Variants in PTPRG observed in about 807,000 individuals in gnomAD.
The protein encoded by PTPRG is protein tyrosine phosphatase receptor type G.
Under a neutral mutation model 165.3 loss-of-function variants are expected in PTPRG, and 102 were observed. That is an observed-to-expected ratio of 0.62 (90% CI 0.53 to 0.73). PTPRG has a LOEUF of 0.73. Ranked by LOEUF, PTPRG falls within the 30% of genes least tolerant of loss-of-function variation. PTPRG has a pLI of 0.00. For missense variants in PTPRG, 1,866 were observed against 1,861.4 expected (o/e 1.00, Z -0.05); for synonymous variants, 675 against 669.5 (o/e 1.01, Z -0.13).
intron 1 of PTPRG, among the ~76,000 whole-genome samples, chr3:61,715,003 T>G (rs939096): frequency 0.96 from 145,548 of 152,168 alleles, 69,708 homozygotes; most frequent in African/African-American, 0.99. Flanking sequence ...GTTTTGGAAG[T>G]TTACAGAAGC....
At chr3:61,844,717 G>C (rs928085859) in intron 2 of PTPRG, among the ~76,000 whole-genome samples, 1 of 151,474 alleles carries the variant, frequency 6.6e-6, no homozygotes, top group South Asian at 2.1e-4. Context: ...TGAACAGGGT[G>C]GTCTCGAACT....
At chr3:61,868,957 C>A (rs1444674637) in intron 2 of PTPRG, among the ~76,000 whole-genome samples, 1 of 150,970 alleles carries the variant, frequency 6.6e-6, no homozygotes, top group Admixed American at 6.6e-5. Flanking sequence ...GGTCTTTGGA[C>A]TAGTCACTTC....
chr3:61,589,573 T>G (rs914858687), intron 1 of PTPRG, among the ~76,000 whole-genome samples: 1 of 152,116 alleles, frequency 6.6e-6, no homozygotes, highest in Non-Finnish European at 1.5e-5. Context: ...CCATTTTGGT[T>G]GTTGGTGACT....
chr3:61,630,235 T>C (rs1701731367), intron 1 of PTPRG, among the ~76,000 whole-genome samples: 1 of 152,244 alleles, frequency 6.6e-6, no homozygotes, highest in South Asian at 2.1e-4. Flanking sequence ...GAGTTGTAGA[T>C]AGAGCAGATT....
intron 4 of PTPRG, among the ~76,000 whole-genome samples, chr3:62,036,083 A>T (rs1699928228): frequency 6.6e-6 from 1 of 151,796 alleles, no homozygotes; most frequent in Non-Finnish European, 1.5e-5. Context: ...TGGAGCTTCT[A>T]TTCTAGCAAG....
intron 2 of PTPRG, among the ~76,000 whole-genome samples, chr3:61,782,738 A>C (rs996799761): frequency 3.3e-5 from 5 of 152,166 alleles, no homozygotes; most frequent in African/African-American, 1.2e-4. Flanking sequence ...GAAGGTTATG[A>C]TATGCTCTTT....
At chr3:61,666,569 G>A (rs1313462300) in intron 1 of PTPRG, among the ~76,000 whole-genome samples, 3 of 152,194 alleles carry the variant, frequency 2.0e-5, no homozygotes, top group Admixed American at 6.5e-5. Flanking sequence ...TGATGAAAGT[G>A]AAATGAGATG....
At chr3:62,033,543 C>A (rs1038021103) in intron 4 of PTPRG, among the ~76,000 whole-genome samples, 13 of 148,776 alleles carry the variant, frequency 8.7e-5, no homozygotes, top group African/African-American at 3.2e-4. Context: ...CCCCCCCACC[C>A]CCCACCAGAG....
At chr3:62,277,444 T>C in intron 25 of PTPRG, 107 bp from the exon 26 acceptor site, 1 of 1,252,500 alleles carries the variant, frequency 8.0e-7, no homozygotes, top group South Asian at 1.4e-5. Flanking sequence ...TCAATTATTT[T>C]AGTGTAGTCA....
Position 62,277,637 on chromosome 3 carries a change from T to G in PTPRG, c.3723T>G (p.His1241Gln), listed in dbSNP as rs777338296. Residue 1241 changes from histidine (H) to glutamine (Q), a missense_variant, in exon 26 of 30, where the codon CAT becomes CAG. Around this residue, in one of 3 missense-constraint regions of PTPRG, gnomAD observed 1,452 missense variants for 1,463.0 expected, o/e 0.99. Transcript: ENST00000474889. ...ATTTCTGGCGAATGATTTGGGATCA[T>G]AACGCACAGATCATTGTCATGCTGC... The part of the protein sequence containing the change: ...TKDFWRMIWD[H>Q]NAQIIVMLPD... 1.2e-6 allele frequency: 2 copies of G among 1,612,796 alleles called. No homozygotes were observed.
chr3:61,732,487 G>T (rs537197740), intron 1 of PTPRG, among the ~76,000 whole-genome samples: 3 of 151,694 alleles, frequency 2.0e-5, no homozygotes, highest in African/African-American at 7.3e-5. Flanking sequence ...TGAGGCAGGG[G>T]AATGGCATGA....
chr3:61,830,940 T>A (rs879906158), intron 2 of PTPRG, among the ~76,000 whole-genome samples: 2 of 152,216 alleles, frequency 1.3e-5, no homozygotes, highest in Non-Finnish European at 1.5e-5. Flanking sequence ...AATTTGTGCT[T>A]TGTTTTTACT....
rs747074079 is a variant in PTPRG at position 62,203,892 on chromosome 3, G to T, written c.2097G>T (p.Lys699Asn). The change falls in exon 12 of 30, where the codon AAG becomes AAT. Residue 699 changes from lysine (K) to asparagine (N), a missense_variant. By Grantham distance (94) the Lys-to-Asn change is moderately conservative. Transcript: ENST00000474889. The surrounding 1 kb of genome is among the most constrained non-coding windows in gnomAD (Gnocchi z 6.4). Reference protein sequence around the residue: ...DPKRPEMPSKKPMSRGDRFSE... With the variant: ...DPKRPEMPSKNPMSRGDRFSE... ...AGAGGCCCGAAATGCCATCTAAAAA[G>T]CCTATGTCCCGCGGGGACCGATTTT... 6.2e-6 allele frequency: 10 copies of T among 1,612,468 alleles called. No homozygotes were observed. The highest frequency in any genetic ancestry group is 7.6e-6 in the Non-Finnish European group (9 of 1,179,238).
intron 12 of PTPRG, among the ~76,000 whole-genome samples, chr3:62,205,715 C>T (rs539598153): frequency 2.0e-5 from 3 of 152,160 alleles, no homozygotes; most frequent in African/African-American, 4.8e-5. Flanking sequence ...GTGGTTAGAC[C>T]AGAGGGAGTG....
intron 17 of PTPRG, chr3:62,263,711 T>C (rs1190126642): frequency 6.6e-6 from 1 of 152,240 alleles, no homozygotes; most frequent in Non-Finnish European, 1.5e-5. Context: ...TCATATACCA[T>C]ATGAAATTTA....
At chr3:61,707,254 A>C (rs1452366158) in intron 1 of PTPRG, among the ~76,000 whole-genome samples, 1 of 152,260 alleles carries the variant, frequency 6.6e-6, no homozygotes, top group African/African-American at 2.4e-5. Context: ...AAGTTTAGTT[A>C]GTATTTGTAT....
At chr3:62,049,745 G>A (rs966397007) in intron 4 of PTPRG, among the ~76,000 whole-genome samples, 1 of 152,152 alleles carries the variant, frequency 6.6e-6, no homozygotes, top group East Asian at 1.9e-4. Flanking sequence ...GTAGGTCAAC[G>A]GGAATTCAGA....
intron 16 of PTPRG, among the ~76,000 whole-genome samples, chr3:62,257,158 A>G (rs1701555074): frequency 2.0e-5 from 3 of 152,190 alleles, no homozygotes; most frequent in Non-Finnish European, 4.4e-5. Flanking sequence ...AAAGGGGAGA[A>G]TAAGAAAATA....
At chr3:61,805,614 G>C (rs2035390677) in intron 2 of PTPRG, among the ~76,000 whole-genome samples, 1 of 151,886 alleles carries the variant, frequency 6.6e-6, no homozygotes, top group Non-Finnish European at 1.5e-5. Flanking sequence ...CTGTTTTCTG[G>C]GTTAGGGTAA....
Sources: gnomAD v4.1 joint callset for allele counts (sites outside exome capture counted in the v4.1 genomes callset) on GRCh38, gnomAD v4.1.1 for gene constraint, gnomAD v4.1.1 regional missense constraint, Gnocchi (gnomAD v3.1) non-coding constraint, MANE v1.5 for transcripts, NCBI Gene and HGNC (gene_info 2026-07-23, HGNC 2026-07-21) for gene names.